CWF19L2: variants seen among roughly 807,000 people sequenced by gnomAD.
CWF19L2 encodes CWF19-like protein 2.
Under a neutral mutation model 111.7 loss-of-function variants are expected in CWF19L2, and 98 were observed. The observed-to-expected ratio is 0.88, with a 90% confidence interval of 0.75 to 1.04. The LOEUF (loss-of-function observed/expected upper bound fraction) is 1.04. CWF19L2 is among the 50% of genes least tolerant of loss of function. The pLI is 0.00. For synonymous variants in CWF19L2, 351 were observed against 342.9 expected (o/e 1.02, Z -0.26); for missense variants, 1,101 against 1,051.4 (o/e 1.05, Z -0.65).
At chr11:107,404,134 T>TTTA in intron 10 of CWF19L2, 1 of 775,638 alleles carries the variant, frequency 1.3e-6, no homozygotes, top group Admixed American at 1.7e-5. Context: ...ACTTTCTTCC[T>TTTA]CTAAAGCAGC....
At chr11:107,452,828 A>C (rs1459327339) in intron 3 of CWF19L2, among the ~76,000 whole-genome samples, 1 of 152,054 alleles carries the variant, frequency 6.6e-6, no homozygotes, top group Non-Finnish European at 1.5e-5. Context: ...CCATGTCTAC[A>C]AAAACAACTT....
intron 12 of CWF19L2, among the ~76,000 whole-genome samples, chr11:107,360,881 G>C (rs1218734562): frequency 6.6e-6 from 1 of 152,246 alleles, no homozygotes; most frequent in Non-Finnish European, 1.5e-5. Flanking sequence ...TTGGATATTA[G>C]ACCCTTGACA....
rs369303019 is a variant in CWF19L2, at chr11:107,380,341, G to T, written c.1872+9733C>A. 2.1e-3 allele frequency among the ~76,000 whole-genome samples: 315 copies of T among 152,212 alleles called. 1 individual carries two copies. The highest frequency in any genetic ancestry group is 6.5e-3 in the African/African-American group (268 of 41,538). ...GCCCTTAAATCCATTGGAAATAGATGAATTCATTGATTAAATATAAACTTC... is the reference window on the plus strand; with the variant it reads ...GCCCTTAAATCCATTGGAAATAGATTAATTCATTGATTAAATATAAACTTC... On this transcript the variant is annotated intron_variant, in intron 12 of 17. Transcript: ENST00000282251.
At chr11:107,328,975 G>A (rs936010833) in intron 17 of CWF19L2, among the ~76,000 whole-genome samples, 10 of 152,154 alleles carry the variant, frequency 6.6e-5, no homozygotes, top group African/African-American at 2.4e-4. Flanking sequence ...TCAAACCTCT[G>A]GAGTTGAGAT....
intron 12 of CWF19L2, among the ~76,000 whole-genome samples, chr11:107,385,594 C>G (rs1176966021): frequency 6.6e-6 from 1 of 152,250 alleles, no homozygotes; most frequent in African/African-American, 2.4e-5. Context: ...CTATACAATA[C>G]AGTAACCCCC....
At chr11:107,345,445 T>A (rs944119126) in intron 14 of CWF19L2, 3 of 453,702 alleles carry the variant, frequency 6.6e-6, no homozygotes, top group African/African-American at 6.1e-5. Context: ...TGTTTGTTCA[T>A]ACTCCCTTTC....
intron 12 of CWF19L2, among the ~76,000 whole-genome samples, chr11:107,370,391 C>A (rs1316020681): frequency 7.3e-6 from 1 of 136,832 alleles, no homozygotes; most frequent in Non-Finnish European, 1.6e-5. Flanking sequence ...ACAACAGAAC[C>A]AAATTCTTTC....
chr11:107,362,064 G>C (rs1217115300), intron 12 of CWF19L2, among the ~76,000 whole-genome samples: 4 of 152,124 alleles, frequency 2.6e-5, no homozygotes, highest in Non-Finnish European at 4.4e-5. Flanking sequence ...AGGGGTGACG[G>C]ACGCACCTGG....
chr11:107,421,393 T>A (rs973185841), intron 8 of CWF19L2, among the ~76,000 whole-genome samples: 2 of 151,712 alleles, frequency 1.3e-5, no homozygotes, highest in Non-Finnish European at 2.9e-5. Context: ...CAAAAAACAA[T>A]AAAAATCAGA....
intron 16 of CWF19L2, among the ~76,000 whole-genome samples, chr11:107,334,325 A>T (rs1357820514): frequency 5.3e-5 from 8 of 152,248 alleles, no homozygotes; most frequent in African/African-American, 1.9e-4. Flanking sequence ...ACTTAAGTGT[A>T]ACTTGTACAT....
At chr11:107,361,983 G>T (rs530580149) in intron 12 of CWF19L2, among the ~76,000 whole-genome samples, 2 of 152,090 alleles carry the variant, frequency 1.3e-5, no homozygotes, top group East Asian at 1.9e-4. Flanking sequence ...TGCGTGAGCC[G>T]AAGCAGGGCG....
rs1007568317 is a variant in CWF19L2, at chr11:107,335,037, T to C, written c.2359-76A>G. The C allele has an allele frequency of 9.1e-6, 8 of 877,988 alleles. 1 individual carries two copies. Among genetic ancestry groups the C allele is most frequent in the Middle Eastern group, 6.5e-4 (2 of 3,064 alleles). The allele number at this position is 877,988 out of a possible 1,614,324, so 54.4% of individuals were successfully genotyped here. A position where few individuals can be genotyped will look rare whatever the true frequency, so the allele number is the denominator to read the frequency against. ...AAGAAACAGCTTATAACAAGTAATA[T>C]AGCAAATTAATTATGGGGTATATTA... On this transcript the variant is annotated intron_variant, in intron 15 of 17. Transcript: ENST00000282251.
At chr11:107,379,837 A>G (rs1860654909) in intron 12 of CWF19L2, among the ~76,000 whole-genome samples, 1 of 152,018 alleles carries the variant, frequency 6.6e-6, no homozygotes, top group Admixed American at 6.6e-5. Context: ...AGGCAGGTGG[A>G]TCACGAGCTC....
chr11:107,403,262 C>A, intron 10 of CWF19L2: 1 of 372,936 alleles, frequency 2.7e-6, no homozygotes, highest in Non-Finnish European at 4.9e-6. Context: ...TTAAAAAAAA[C>A]TGTATTTATC....
At chr11:107,360,973 T>C (rs949251206) in intron 12 of CWF19L2, among the ~76,000 whole-genome samples, 2 of 152,230 alleles carry the variant, frequency 1.3e-5, no homozygotes, top group African/African-American at 4.8e-5. Flanking sequence ...CTGTCATTTG[T>C]CTTTGTTTTT....
chr11:107,442,936 T>A lies in CWF19L2; in HGVS notation c.450+3A>T. 1 of 1,527,510 alleles carries A rather than the reference T, an allele frequency of 6.5e-7. No homozygotes were observed. Among genetic ancestry groups the A allele is most frequent in the African/African-American group, 1.4e-5 (1 of 72,660 alleles). 94.6% of individuals were successfully genotyped at this position (1,527,510 alleles called of 1,614,324 possible). On this transcript the variant is annotated splice_donor_region_variant and intron_variant, in intron 4 of 17. Coordinates refer to ENST00000282251, the MANE Select transcript of CWF19L2 (RefSeq NM_152434.3). ...AGGAAGGAAAATCAAGTGGCTTGCT[T>A]ACCTTGATAATTTGGGTGTCATCTT...
At chr11:107,344,768 C>T (rs1428972097) in intron 14 of CWF19L2, among the ~76,000 whole-genome samples, 2 of 152,138 alleles carry the variant, frequency 1.3e-5, no homozygotes, top group Non-Finnish European at 1.5e-5. Context: ...AAGTTATTTT[C>T]AATTGAAATC....
intron 8 of CWF19L2, among the ~76,000 whole-genome samples, chr11:107,421,973 G>A (rs1861308326): frequency 6.6e-6 from 1 of 151,878 alleles, no homozygotes; most frequent in African/African-American, 2.4e-5. Context: ...TTCACCAACA[G>A]GAGAATGGAA....
chr11:107,418,453 G>A (rs1861258594), intron 8 of CWF19L2, among the ~76,000 whole-genome samples, 166 bp from the exon 9 acceptor site: 1 of 152,154 alleles, frequency 6.6e-6, no homozygotes, highest in Non-Finnish European at 1.5e-5. Context: ...TCCACAAATT[G>A]ATAAAGTTCT....
Sources: gnomAD v4.1 joint callset for allele counts (sites outside exome capture counted in the v4.1 genomes callset) on GRCh38, gnomAD v4.1.1 for gene constraint, MANE v1.5 for transcripts, NCBI Gene and HGNC (gene_info 2026-07-23, HGNC 2026-07-21) for gene names.